The following SLC22A5 variants were observed in gnomAD, a reference collection of about 807,000 sequenced individuals.
SLC22A5 encodes the protein organic cation/carnitine transporter 2.
SLC22A5 carries 44 observed loss-of-function variants against 56.7 expected under a neutral mutation model. The observed-to-expected ratio is 0.78, with a 90% CI of 0.61 to 1.00. The LOEUF (loss-of-function observed/expected upper bound fraction) is 1.00. Ranked by LOEUF, SLC22A5 falls within the 50% of genes least tolerant of loss-of-function variation. The pLI is 0.00. For synonymous variants in SLC22A5, 278 were observed against 292.1 expected (o/e 0.95, Z 0.49); for missense variants, 675 against 723.0 (o/e 0.93, Z 0.76).
rs1016979895 is a variant in SLC22A5, at chr5:132,369,732, C to T, written c.-241C>T. 6 of 471,064 alleles carry T rather than the reference C, an allele frequency of 1.3e-5. No individual in the cohort carries two copies. Among genetic ancestry groups the T allele is most frequent in the Non-Finnish European group, 2.2e-5 (6 of 278,898 alleles). The allele number at this position is 471,064 out of a possible 1,614,324, so 29.2% of individuals were successfully genotyped here. On this transcript the variant is annotated 5_prime_UTR_variant, in exon 1 of 10. Transcript: ENST00000245407. ...TCCGCCTTCGCCGGCGCCGCTCTGC[C>T]TGCCAGCGGGGCGCGCCTTGCGGCC...
At position 132,370,122 on chromosome 5, in the gene SLC22A5, C is replaced by G. The variant is rs974348546; in HGVS notation, c.150C>G (p.Cys50Trp). Residue 50 changes from cysteine to tryptophan, a missense_variant, in exon 1 of 10, where the codon TGC becomes TGG. Transcript: ENST00000245407. ...TGATAGCGACCCCGGAGCACCGCTGCCGGGTGCCGGACGCCGCGAACCTGA... is the reference window on the plus strand; with the variant it reads ...TGATAGCGACCCCGGAGCACCGCTGGCGGGTGCCGGACGCCGCGAACCTGA... ...VFLIATPEHRCRVPDAANLSS... is the reference protein window; with the variant it reads ...VFLIATPEHRWRVPDAANLSS... 1 of 1,611,146 alleles carries G rather than the reference C, an allele frequency of 6.2e-7. No individual in the cohort carries two copies. Among genetic ancestry groups the G allele is most frequent in the Admixed American group, 1.7e-5 (1 of 59,808 alleles).
chr5:132,378,240 G>C, intron 1 of SLC22A5, 138 bp from the exon 2 acceptor site: 1 of 1,613,930 alleles, frequency 6.2e-7, no homozygotes, highest in Non-Finnish European at 8.5e-7. Context: ...GCCCAGGTGA[G>C]CCATCACCTG....
intron 9 of SLC22A5, 79 bp downstream of exon 9, chr5:132,393,890 T>A: frequency 6.5e-7 from 1 of 1,529,680 alleles, no homozygotes; most frequent in East Asian, 2.2e-5. Context: ...ACAATAGAGC[T>A]ACTCGCAAAC....
chr5:132,369,925 C>T lies in SLC22A5; in HGVS notation c.-48C>T, dbSNP rs1580867135. ...GCCCCGCGCGCACGCGCAAAGCCCG[C>T]CGCGTTCCCCGACCCCAGGCCGCGC... On this transcript the variant is annotated 5_prime_UTR_variant, in exon 1 of 10. Coordinates refer to ENST00000245407, the MANE Select transcript of SLC22A5 (RefSeq NM_003060.4). 3 of 1,605,034 alleles carry T rather than the reference C, an allele frequency of 1.9e-6. No individual in the cohort carries two copies. The East Asian group carries it at 6.7e-5, about 36-fold the overall frequency.
Position 132,374,156 on chromosome 5 carries a change from G to GTTCAAGAAA in SLC22A5, c.393+3793_393+3794insCAAGAAATT, listed in dbSNP as rs796899228. 8.6e-4 allele frequency among the ~76,000 whole-genome samples: 131 copies of GTTCAAGAAA among 151,978 alleles called. 1 individual carries two copies. The highest frequency in any genetic ancestry group is 2.9e-3 in the African/African-American group (121 of 41,460). On this transcript the variant is annotated intron_variant, in intron 1 of 9. Coordinates refer to ENST00000245407, the MANE Select transcript of SLC22A5 (RefSeq NM_003060.4). ...AATTTCTTGAACCTGGGAAGTGGGG[G>GTTCAAGAAA]TTGCAGTAGCCAAGATCGCACCATT...
chr5:132,378,235 G>C, intron 1 of SLC22A5, 143 bp from the exon 2 acceptor site: 1 of 1,613,992 alleles, frequency 6.2e-7, no homozygotes, highest in Non-Finnish European at 8.5e-7. Flanking sequence ...TTCCTGCCCA[G>C]GTGAGCCATC....
In SLC22A5 at chr5:132,390,733, C is replaced by T. The variant is rs767240544; in HGVS notation, c.1096C>T (p.Pro366Ser). 2 of 1,614,232 alleles carry T rather than the reference C, an allele frequency of 1.2e-6. No individual in the cohort carries two copies. The highest frequency in any genetic ancestry group is 1.7e-5 in the Admixed American group (1 of 60,020). Residue 366 changes from proline (P) to serine (S), a missense_variant, in exon 7 of 10, where the codon CCT (proline) becomes TCT (serine). Pro to Ser is a moderately conservative substitution (Grantham distance 74, BLOSUM62 -1). Coordinates refer to ENST00000245407, the MANE Select transcript of SLC22A5 (RefSeq NM_003060.4). ...VGYFGLSLDT[P>S]NLHGDIFVNC... The stretch of plus-strand genomic sequence containing the variant: ...CTATTTTGGGCTTTCGCTTGATACT[C>T]CTAACTTGCATGGGGACATCTTTGT...
chr5:132,369,936 G>T lies in SLC22A5; in HGVS notation c.-37G>T, dbSNP rs80268429. The T allele has an allele frequency of 1.2e-6, 2 of 1,608,532 alleles. No individual in the cohort carries two copies. The highest frequency in any genetic ancestry group is 2.2e-5 in the East Asian group (1 of 44,716). On this transcript the variant is annotated 5_prime_UTR_variant, in exon 1 of 10. Coordinates refer to ENST00000245407, the MANE Select transcript of SLC22A5 (RefSeq NM_003060.4). ...ACGCGCAAAGCCCGCCGCGTTCCCCGACCCCAGGCCGCGCTCTGTGGGCCT... is the reference window on the plus strand; with the variant it reads ...ACGCGCAAAGCCCGCCGCGTTCCCCTACCCCAGGCCGCGCTCTGTGGGCCT...
chr5:132,394,510 A>G lies in SLC22A5; in HGVS notation c.*238A>G, dbSNP rs113139850. 5 of 575,188 alleles carry G rather than the reference A, an allele frequency of 8.7e-6. No individual in the cohort carries two copies. Among genetic ancestry groups the G allele is most frequent in the African/African-American group, 5.6e-5 (3 of 53,274 alleles). 35.6% of individuals were successfully genotyped at this position (575,188 alleles called of 1,614,324 possible). On this transcript the variant is annotated 3_prime_UTR_variant, in exon 10 of 10. Coordinates refer to ENST00000245407, the MANE Select transcript of SLC22A5 (RefSeq NM_003060.4). ...AGACAACTTCATCTAAGTCCTAACT[A>G]TTACAATGATGGACTCAGCACCTCC...
intron 1 of SLC22A5, chr5:132,376,931 C>G (rs1255219321): frequency 1.3e-5 from 2 of 152,378 alleles, no homozygotes; most frequent in Non-Finnish European, 2.9e-5. Flanking sequence ...GGTGCTGGCC[C>G]TTCTGAGGCT....
At chr5:132,393,933 C>A in intron 9 of SLC22A5, 122 bp downstream of exon 9, 1 of 1,229,440 alleles carries the variant, frequency 8.1e-7, no homozygotes, top group South Asian at 1.2e-5. Flanking sequence ...CTAGTTTAGC[C>A]ATTAAAGGGT....
In SLC22A5 at chr5:132,393,708, A is replaced by G. The variant is rs1023956374; in HGVS notation, c.1483A>G (p.Met495Val). ...AYDRFLPYILMGSLTILTAIL... is the reference protein window; with the variant it reads ...AYDRFLPYILVGSLTILTAIL... ...CGACCGCTTCCTGCCCTACATTCTC[A>G]TGGGAAGTCTGACCATCCTGACAGC... Residue 495 changes from methionine (M) to valine (V), a missense_variant, in exon 9 of 10, where the codon ATG becomes GTG. Met to Val is a conservative substitution (Grantham distance 21). Coordinates refer to ENST00000245407, the MANE Select transcript of SLC22A5 (RefSeq NM_003060.4). 1.9e-6 allele frequency: 3 copies of G among 1,612,850 alleles called. No homozygotes were observed. The highest frequency in any genetic ancestry group is 2.7e-5 in the African/African-American group (2 of 74,874).
chr5:132,387,559 A>G (rs183426786), intron 5 of SLC22A5, among the ~76,000 whole-genome samples: 1 of 152,238 alleles, frequency 6.6e-6, no homozygotes, highest in Non-Finnish European at 1.5e-5. Context: ...TAAAATGTAA[A>G]GCACAAATAG....
Position 132,394,674 on chromosome 5 carries a change from A to C in SLC22A5, c.*402A>C. The C allele has an allele frequency of 9.8e-6, 2 of 205,110 alleles. No homozygotes were observed. Among genetic ancestry groups the C allele is most frequent in the South Asian group, 9.1e-5 (1 of 11,032 alleles). 12.7% of individuals were successfully genotyped at this position (205,110 alleles called of 1,614,324 possible). A position where few individuals can be genotyped will look rare whatever the true frequency, so the allele number is the denominator to read the frequency against. ...GTCTAAGTCCCCCACCCCTTTCCCC[A>C]CTCCCCTCTAGTGGTGAACTTTAGA... On this transcript the variant is annotated 3_prime_UTR_variant, in exon 10 of 10. Transcript: ENST00000245407.
At chr5:132,382,000 G>A (rs1008134386) in intron 2 of SLC22A5, 1 of 152,140 alleles carries the variant, frequency 6.6e-6, no homozygotes, top group African/African-American at 2.4e-5. Flanking sequence ...CCATGCAGGG[G>A]AAAGTAGAGT....
At chr5:132,375,698 A>G (rs934051386) in intron 1 of SLC22A5, among the ~76,000 whole-genome samples, 2 of 152,244 alleles carry the variant, frequency 1.3e-5, no homozygotes, top group Non-Finnish European at 2.9e-5. Flanking sequence ...GCACACATGT[A>G]TCTCTACACC....
At chr5:132,377,373 G>T in intron 1 of SLC22A5, 1 of 152,354 alleles carries the variant, frequency 6.6e-6, no homozygotes, top group Non-Finnish European at 1.5e-5. Flanking sequence ...AGGGAGGCAA[G>T]GGTCTGAGTT....
rs2126794044 is a variant in SLC22A5 at position 132,395,103 on chromosome 5, GGTTTT to G, written c.*837_*841del. ...TCTTTTCTCTCAAAGCTGTAATGTGGGTTTTGTTTTATTGTTTATTTGTTTGTTGT... is the reference window on the plus strand; with the variant it reads ...TCTTTTCTCTCAAAGCTGTAATGTGGGTTTTATTGTTTATTTGTTTGTTGT... On this transcript the variant is annotated 3_prime_UTR_variant, in exon 10 of 10. Transcript: ENST00000245407. 6.6e-6 allele frequency: 1 copy of G among 152,372 alleles called. No individual in the cohort carries two copies. The highest frequency in any genetic ancestry group is 2.4e-5 in the African/African-American group (1 of 41,516). The allele number at this position is 152,372 out of a possible 1,614,324, so 9.4% of individuals were successfully genotyped here.
chr5:132,383,853 A>G (rs1752431138), intron 2 of SLC22A5: 1 of 380,326 alleles, frequency 2.6e-6, no homozygotes, highest in African/African-American at 2.0e-5. Context: ...AAATATCATT[A>G]TGAATGTATG....
Sources: allele counts gnomAD v4.1 joint callset (sites outside exome capture counted in the v4.1 genomes callset), GRCh38; gene constraint gnomAD v4.1.1; transcripts MANE v1.5; gene names NCBI Gene and HGNC (gene_info 2026-07-23, HGNC 2026-07-21).